KIR3DL2: variants seen among roughly 807,000 people sequenced by gnomAD.
The protein encoded by KIR3DL2 is killer cell immunoglobulin like receptor, three Ig domains and long cytoplasmic tail 2, also known as killer cell immunoglobulin-like receptor 3DL2.
KIR3DL2 carries 42 observed loss-of-function variants against 41.6 expected under a neutral mutation model. That is an observed-to-expected ratio of 1.01 (90% confidence interval 0.79 to 1.31). KIR3DL2 has a LOEUF of 1.31. KIR3DL2 is among the 50% of genes most tolerant of loss of function. KIR3DL2 has a pLI of 0.00. For missense variants in KIR3DL2, 728 were observed against 576.8 expected (o/e 1.26, Z -2.68); for synonymous variants, 230 against 221.3 (o/e 1.04, Z -0.35).
At chr19:54,854,743 A>G (rs1283337859) in intron 4 of KIR3DL2, among the ~76,000 whole-genome samples, 1 of 151,854 alleles carries the variant, frequency 6.6e-6, no homozygotes, top group Non-Finnish European at 1.5e-5. Flanking sequence ...ACTCACAGAC[A>G]CACAAAAAGA....
At chr19:54,855,938 T>G (rs1201834481) in intron 5 of KIR3DL2, 26 bp downstream of exon 5, 10 of 1,612,098 alleles carry the variant, frequency 6.2e-6, no homozygotes, top group Non-Finnish European at 7.6e-6. Flanking sequence ...GTCTGTCCCA[T>G]GTCTTATGAT....
intron 3 of KIR3DL2, among the ~76,000 whole-genome samples, chr19:54,853,483 G>A (rs1427573926): frequency 2.6e-5 from 4 of 151,742 alleles, no homozygotes; most frequent in Non-Finnish European, 5.9e-5. Context: ...GAGACTAGTG[G>A]GAAAGAGATA....
intron 6 of KIR3DL2, among the ~76,000 whole-genome samples, chr19:54,860,536 ACT>A (rs1375627691): frequency 6.6e-6 from 1 of 151,492 alleles, no homozygotes; most frequent in Non-Finnish European, 1.5e-5. Flanking sequence ...CGCCCGGCTA[ACT>A]CTTTTTGCAT....
At chr19:54,860,122 T>C (rs1409984243) in intron 6 of KIR3DL2, among the ~76,000 whole-genome samples, 1 of 152,060 alleles carries the variant, frequency 6.6e-6, no homozygotes, top group African/African-American at 2.4e-5. Context: ...CCATCTGCAA[T>C]CTTCATTCCT....
In KIR3DL2 at chr19:54,852,089, G is replaced by A; in HGVS notation, c.162G>A (p.Gly54=). 3.1e-6 allele frequency: 5 copies of A among 1,612,814 alleles called. No homozygotes were observed. The highest frequency in any genetic ancestry group is 2.2e-5 in the South Asian group (2 of 91,072). The part of the protein sequence containing the change: ...HVALQCHYRR[G]FNNFMLYKED... The stretch of plus-strand genomic sequence containing the variant: ...CTCTTCAGTGTCACTATCGTCGTGG[G>A]TTTAACAATTTCATGCTGTACAAAG... Residue 54 remains glycine (G), a synonymous_variant, in exon 3 of 9, where the codon GGG becomes GGA. Coordinates refer to ENST00000326321, the MANE Select transcript of KIR3DL2 (RefSeq NM_006737.4).
At chr19:54,866,461 A>C in intron 8 of KIR3DL2, 39 bp downstream of exon 8, 1 of 1,613,894 alleles carries the variant, frequency 6.2e-7, no homozygotes, top group Non-Finnish European at 8.5e-7. Context: ...ATACAGTCTT[A>C]TCCCTAATAG....
rs1345783500 is a variant in KIR3DL2, at chr19:54,852,538, T to C, written c.355+256T>C. Among the ~76,000 whole-genome samples, 3 of 151,680 alleles carry C rather than the reference T, an allele frequency of 2.0e-5. 1 individual carries two copies. Among genetic ancestry groups the C allele is most frequent in the African/African-American group, 7.3e-5 (3 of 40,968 alleles). ...AAGGGGAAGGTGGAGCTCAGGTTGT[T>C]GATGAGTTGACCTTGAGATGGGGAG... On this transcript the variant is annotated intron_variant, in intron 3 of 8. Coordinates refer to ENST00000326321, the MANE Select transcript of KIR3DL2 (RefSeq NM_006737.4).
intron 3 of KIR3DL2, among the ~76,000 whole-genome samples, chr19:54,853,218 G>A (rs1334565292): frequency 6.6e-6 from 1 of 151,702 alleles, no homozygotes; most frequent in Admixed American, 6.5e-5. Flanking sequence ...CATCCACATA[G>A]GAAGGGGTTG....
chr19:54,860,781 C>T (rs1424085443), intron 6 of KIR3DL2, among the ~76,000 whole-genome samples: 1 of 143,098 alleles, frequency 7.0e-6, no homozygotes, highest in Admixed American at 7.5e-5. Flanking sequence ...CGGATTGAAC[C>T]CCTGAAAGAT....
At chr19:54,864,210 A>T (rs1226591738) in intron 6 of KIR3DL2, among the ~76,000 whole-genome samples, 13 of 151,912 alleles carry the variant, frequency 8.6e-5, no homozygotes, top group African/African-American at 3.1e-4. Context: ...TGTTCCATTG[A>T]TCTATATCTC....
In KIR3DL2 at chr19:54,859,173, G is replaced by T; in HGVS notation, c.1000+44G>T. The T allele has an allele frequency of 3.8e-5, 59 of 1,564,370 alleles. No homozygotes were observed. The South Asian group carries it at 6.6e-4, about 17-fold the overall frequency. On this transcript the variant is annotated intron_variant, in intron 6 of 8. Coordinates refer to ENST00000326321, the MANE Select transcript of KIR3DL2 (RefSeq NM_006737.4). Reference sequence around the variant, plus strand: ...TTATCTCTGCTTTTGGAAACCTGGGGAGGTGGAAGCCTTGGATGCAAGTGT... The same window carrying T: ...TTATCTCTGCTTTTGGAAACCTGGGTAGGTGGAAGCCTTGGATGCAAGTGT...
At chr19:54,861,541 C>A (rs1194971263) in intron 6 of KIR3DL2, among the ~76,000 whole-genome samples, 1 of 151,534 alleles carries the variant, frequency 6.6e-6, no homozygotes, top group Non-Finnish European at 1.5e-5. Flanking sequence ...CCCAGCTACT[C>A]TGGAGGAGGA....
Position 54,866,744 on chromosome 19 carries a change from C to G in KIR3DL2, c.*13C>G. The G allele has an allele frequency of 1.2e-6, 2 of 1,612,660 alleles. No individual in the cohort carries two copies. The highest frequency in any genetic ancestry group is 8.5e-7 in the Non-Finnish European group (1 of 1,179,346). On this transcript the variant is annotated 3_prime_UTR_variant, in exon 9 of 9. Coordinates refer to ENST00000326321, the MANE Select transcript of KIR3DL2 (RefSeq NM_006737.4). ...GGGGGTTTTCTAGGGAGACAACAGC[C>G]CTGTCTCAAAACCAGGTTGCCAGAT...
intron 6 of KIR3DL2, among the ~76,000 whole-genome samples, chr19:54,860,310 G>A (rs1482359214): frequency 6.6e-6 from 1 of 151,988 alleles, no homozygotes; most frequent in Admixed American, 6.6e-5. Flanking sequence ...AGGCACAAGG[G>A]GACCAATAAA....
chr19:54,852,562 A>G (rs1409554512), intron 3 of KIR3DL2, among the ~76,000 whole-genome samples: 1 of 151,674 alleles, frequency 6.6e-6, no homozygotes, highest in African/African-American at 2.4e-5. Flanking sequence ...TGAGATGGGG[A>G]GACAGCCTGG....
chr19:54,861,505 G>A (rs1270659179), intron 6 of KIR3DL2, among the ~76,000 whole-genome samples: 9 of 151,130 alleles, frequency 6.0e-5, no homozygotes, highest in Non-Finnish European at 1.2e-4. Flanking sequence ...AATTAAACAG[G>A]CATGATGGTG....
intron 7 of KIR3DL2, 96 bp downstream of exon 7, chr19:54,866,005 C>A: frequency 8.4e-7 from 1 of 1,193,732 alleles, no homozygotes; most frequent in Non-Finnish European, 1.2e-6. Flanking sequence ...CAGGATGGTC[C>A]CTGGCCCAAG....
chr19:54,866,276 A>G lies in KIR3DL2; in HGVS notation c.1106-94A>G. 2.3e-6 allele frequency: 3 copies of G among 1,287,140 alleles called. No individual in the cohort carries two copies. The East Asian group carries it at 6.9e-5, about 30-fold the overall frequency. The allele number at this position is 1,287,140 out of a possible 1,614,324, so 79.7% of individuals were successfully genotyped here. ...TGTTGGCAGCTGAAGAGCCTCAGGC[A>G]CCTACAGCCTCCCCCTGTGGGTTGG... On this transcript the variant is annotated intron_variant, in intron 7 of 8. Transcript: ENST00000326321.
intron 6 of KIR3DL2, among the ~76,000 whole-genome samples, chr19:54,862,678 G>A (rs1476432964): frequency 1.3e-5 from 2 of 151,586 alleles, no homozygotes; most frequent in African/African-American, 2.4e-5. Flanking sequence ...ACTGCATGAC[G>A]TCCTCCTCCA....
Sources: gnomAD v4.1 joint callset for allele counts (sites outside exome capture counted in the v4.1 genomes callset) on GRCh38, gnomAD v4.1.1 for gene constraint, MANE v1.5 for transcripts, NCBI Gene and HGNC (gene_info 2026-07-23, HGNC 2026-07-21) for gene names.